Variants in NTN1 observed in about 807,000 individuals in gnomAD.
NTN1 encodes netrin 1.
A neutral mutation model predicts 54.2 loss-of-function variants in NTN1; 11 were observed. The ratio of observed to expected loss-of-function variants is 0.20; its 90% CI spans 0.13 to 0.34. The LOEUF is 0.34. Ranked by LOEUF, NTN1 falls within the 10% of genes least tolerant of loss-of-function variation. The pLI is 1.00. For synonymous variants in NTN1, 371 were observed against 382.0 expected (o/e 0.97, Z 0.33); for missense variants, 740 against 893.1 (o/e 0.83, Z 2.18).
At chr17:9,053,602 C>T (rs1051797207) in intron 2 of NTN1, among the ~76,000 whole-genome samples, 6 of 152,216 alleles carry the variant, frequency 3.9e-5, no homozygotes, top group Non-Finnish European at 5.9e-5. Flanking sequence ...ACAAGGATTC[C>T]GACTGTTATC....
intron 6 of NTN1, among the ~76,000 whole-genome samples, chr17:9,226,402 GGT>G (rs1200896135): frequency 6.6e-6 from 1 of 150,878 alleles, no homozygotes. Context: ...GTGTCTAAGG[GGT>G]GGGGGCCGTG....
chr17:9,049,367 A>G (rs2091952196), intron 2 of NTN1, among the ~76,000 whole-genome samples: 1 of 152,208 alleles, frequency 6.6e-6, no homozygotes, highest in African/African-American at 2.4e-5. Context: ...ACTGATCAGA[A>G]TTAACATCAC....
chr17:9,131,278 C>A (rs1485379397), intron 2 of NTN1, among the ~76,000 whole-genome samples: 1 of 152,186 alleles, frequency 6.6e-6, no homozygotes, highest in Non-Finnish European at 1.5e-5. Flanking sequence ...CCTGATTTTT[C>A]TTCATGACAC....
chr17:9,047,697 CT>C (rs560386660), intron 2 of NTN1, among the ~76,000 whole-genome samples: 1,794 of 142,152 alleles, frequency 0.013, 24 homozygotes, highest in South Asian at 0.036. Context: ...CACGAATTTT[CT>C]TTTTTTTTTT....
intron 5 of NTN1, among the ~76,000 whole-genome samples, chr17:9,188,223 A>C (rs1469867064): frequency 3.9e-5 from 6 of 152,134 alleles, no homozygotes; most frequent in African/African-American, 1.4e-4. Flanking sequence ...GAGGTCAGGA[A>C]TTCGAGACCA....
intron 5 of NTN1, among the ~76,000 whole-genome samples, chr17:9,217,361 C>A (rs1246746892): frequency 6.6e-6 from 1 of 152,144 alleles, no homozygotes; most frequent in Non-Finnish European, 1.5e-5. Context: ...TCGTTTTTGG[C>A]ACTAGTGTGA....
At chr17:9,143,376 G>A (rs542659231) in intron 2 of NTN1, among the ~76,000 whole-genome samples, 2 of 152,316 alleles carry the variant, frequency 1.3e-5, no homozygotes, top group Non-Finnish European at 2.9e-5. Flanking sequence ...GGGAGCTCAC[G>A]GGGGTGCATT....
chr17:9,028,230 AAG>A (rs1430641175), intron 2 of NTN1, among the ~76,000 whole-genome samples: 2 of 152,190 alleles, frequency 1.3e-5, no homozygotes, highest in African/African-American at 2.4e-5. Context: ...ATTGTTGACA[AAG>A]AGAGGAGGTG....
At chr17:9,129,094 C>T (rs112892433) in intron 2 of NTN1, among the ~76,000 whole-genome samples, 5,177 of 152,200 alleles carry the variant, frequency 0.034, 292 homozygotes, top group African/African-American at 0.11. Context: ...CTTTCGTTGC[C>T]TCGGCCAGCA....
intron 5 of NTN1, among the ~76,000 whole-genome samples, chr17:9,200,299 G>A (rs1477795070): frequency 6.6e-6 from 1 of 152,206 alleles, no homozygotes; most frequent in African/African-American, 2.4e-5. Context: ...TGGGAGAGCT[G>A]ACAAGGAGAC....
chr17:9,191,865 TAAAAA>T (rs60675960), intron 5 of NTN1, among the ~76,000 whole-genome samples: 18,406 of 88,972 alleles, frequency 0.21, 1,310 homozygotes, highest in Middle Eastern at 0.28. Context: ...TTATCGCTAC[TAAAAA>T]AAAAAAAAAA....
chr17:9,114,166 A>AAAAAAAAAAAAATAT (rs1555569108), intron 2 of NTN1, among the ~76,000 whole-genome samples: 1 of 74,656 alleles, frequency 1.3e-5, no homozygotes, highest in African/African-American at 5.8e-5. Context: ...AAAAAAAAAA[A>AAAAAAAAAAAAATAT]ATATATATAT....
intron 2 of NTN1, among the ~76,000 whole-genome samples, chr17:9,092,979 C>G (rs534130926): frequency 1.2e-4 from 18 of 152,186 alleles, no homozygotes; most frequent in African/African-American, 4.3e-4. Flanking sequence ...AGGATGGTCT[C>G]GATCTCCTGC....
intron 2 of NTN1, among the ~76,000 whole-genome samples, chr17:9,084,615 G>A (rs559633609): frequency 6.6e-6 from 1 of 151,184 alleles, no homozygotes; most frequent in Non-Finnish European, 1.5e-5. Flanking sequence ...CTTCCTGTGG[G>A]CCTCTTCAGC....
intron 2 of NTN1, among the ~76,000 whole-genome samples, chr17:9,024,337 T>C (rs1253605726): frequency 6.6e-6 from 1 of 152,220 alleles, no homozygotes; most frequent in Non-Finnish European, 1.5e-5. Context: ...GTAGCAAGAC[T>C]ACACCTTACT....
At chr17:9,173,583 G>C (rs750337466) in intron 3 of NTN1, 1 of 152,334 alleles carries the variant, frequency 6.6e-6, no homozygotes, top group East Asian at 1.9e-4. Context: ...ACAGGGCCTC[G>C]TCTACCCCTA....
intron 3 of NTN1, 146 bp downstream of exon 3, chr17:9,163,147 GACACAC>G (rs56255655): frequency 0.034 from 17,767 of 520,422 alleles, 7 homozygotes; most frequent in South Asian, 0.069. Context: ...CTCTCTCTGT[GACACAC>G]ACACACACAC....
At chr17:9,091,641 C>T (rs925523099) in intron 2 of NTN1, among the ~76,000 whole-genome samples, 22 of 151,560 alleles carry the variant, frequency 1.5e-4, no homozygotes, top group African/African-American at 3.2e-4. Context: ...TTAGTAGAGA[C>T]GGGGTTTCTC....
At chr17:9,061,939 G>A (rs530792750) in intron 2 of NTN1, among the ~76,000 whole-genome samples, 4 of 152,060 alleles carry the variant, frequency 2.6e-5, no homozygotes, top group Admixed American at 1.3e-4. Context: ...TCCTGACCTC[G>A]TGATGCGCCT....
Sources: gnomAD v4.1 joint callset for allele counts (sites outside exome capture counted in the v4.1 genomes callset) on GRCh38, gnomAD v4.1.1 for gene constraint, MANE v1.5 for transcripts, NCBI Gene and HGNC (gene_info 2026-07-23, HGNC 2026-07-21) for gene names.